The following UBE2C variants were observed in gnomAD, a reference collection of about 807,000 sequenced individuals.
UBE2C encodes the protein ubiquitin conjugating enzyme E2 C.
A neutral mutation model predicts 23.5 loss-of-function variants in UBE2C; 16 were observed. The ratio of observed to expected loss-of-function variants is 0.68; its 90% confidence interval spans 0.46 to 1.03. The LOEUF is 1.03. Ranked by LOEUF, UBE2C falls within the 50% of genes least tolerant of loss-of-function variation. UBE2C has a pLI of 0.00. For synonymous variants in UBE2C, 76 were observed against 91.6 expected (o/e 0.83, Z 0.97); for missense variants, 192 against 227.6 (o/e 0.84, Z 1.01).
At chr20:45,813,152 CGAGACAGGGGAAGG>C in intron 1 of UBE2C, 1 of 1,397,184 alleles carries the variant, frequency 7.2e-7, no homozygotes, top group Non-Finnish European at 9.3e-7. Flanking sequence ...GTGACTTGGC[CGAGACAGGGGAAGG>C]GAGAAGTTGA....
intron 5 of UBE2C, 127 bp downstream of exon 5, chr20:45,816,040 A>G: frequency 3.3e-6 from 3 of 911,988 alleles, no homozygotes; most frequent in East Asian, 2.5e-5. Context: ...GCAGCAACCC[A>G]CTTCTGTTTC....
In UBE2C at chr20:45,813,122, G is replaced by A. The variant is rs73911114; in HGVS notation, c.102-315G>A. ...GACTCCTTCCCTGGTGGGCCTAGATGAAGACGCTCAAGGACCCTCGTGACT... is the reference window on the plus strand; with the variant it reads ...GACTCCTTCCCTGGTGGGCCTAGATAAAGACGCTCAAGGACCCTCGTGACT... On this transcript the variant is annotated intron_variant, in intron 1 of 5. Transcript: ENST00000356455. The A allele has an allele frequency of 1.0e-3, 1,427 of 1,400,282 alleles. 14 individuals are homozygous for A. In the African/African-American group the frequency reaches 0.019, roughly 18 times the overall value. The allele number at this position is 1,400,282 out of a possible 1,614,324, so 86.7% of individuals were successfully genotyped here.
rs548549650 is a variant in UBE2C at position 45,814,887 on chromosome 20, G to A, written c.216+417G>A. ...CGCTCTGTCGCCCAGGCCAGACTGC[G>A]GACTGCAGTGGCGCAATCTCGGCTC... On this transcript the variant is annotated intron_variant, in intron 3 of 5. Transcript: ENST00000356455. Among the ~76,000 whole-genome samples, 433 of 149,828 alleles carry A rather than the reference G, an allele frequency of 2.9e-3. 3 individuals carry two copies. The highest frequency in any genetic ancestry group is 0.01 in the African/African-American group (416 of 40,498).
In UBE2C at chr20:45,814,407, T is replaced by G; in HGVS notation, c.153T>G (p.Ser51=). 1 of 1,610,010 alleles carries G rather than the reference T, an allele frequency of 6.2e-7. No homozygotes were observed. The highest frequency in any genetic ancestry group is 1.1e-5 in the South Asian group (1 of 90,844). The change falls in exon 3 of 6, where the codon TCT becomes TCG. Residue 51 remains serine, a synonymous_variant. Coordinates refer to ENST00000356455, the MANE Select transcript of UBE2C (RefSeq NM_007019.4). ...TLMMSGDKGI[S]AFPESDNLFK... is the part of the protein sequence containing the mutation. ...AGATGTCTGGCGATAAAGGGATTTC[T>G]GCCTTCCCTGAATCAGACAACCTTT...
Position 45,812,959 on chromosome 20 carries a change from A to T in UBE2C, c.101+163A>T, listed in dbSNP as rs1982064140. ...CTCGGGGCCTGGCATTCCCCTGGGCATGGGTGTCGAGGGCGGAGACTTCCG... is the reference window on the plus strand; with the variant it reads ...CTCGGGGCCTGGCATTCCCCTGGGCTTGGGTGTCGAGGGCGGAGACTTCCG... On this transcript the variant is annotated intron_variant, in intron 1 of 5. Coordinates refer to ENST00000356455, the MANE Select transcript of UBE2C (RefSeq NM_007019.4). 7 of 1,432,102 alleles carry T rather than the reference A, an allele frequency of 4.9e-6. No homozygotes were observed. The South Asian group carries it at 7.5e-5, about 15-fold the overall frequency. 88.7% of individuals were successfully genotyped at this position (1,432,102 alleles called of 1,614,324 possible).
chr20:45,814,106 CTCTG>C (rs773942418), intron 2 of UBE2C, among the ~76,000 whole-genome samples: 41 of 145,860 alleles, frequency 2.8e-4, no homozygotes, highest in Admixed American at 1.1e-3. Context: ...GTGTGTCTGT[CTCTG>C]TCTATCTCTC....
At chr20:45,812,948 T>C in intron 1 of UBE2C, 152 bp downstream of exon 1, 3 of 1,431,424 alleles carry the variant, frequency 2.1e-6, no homozygotes, top group Non-Finnish European at 2.7e-6. Flanking sequence ...GGGCCTGGCA[T>C]TCCCCTGGGC....
In UBE2C at chr20:45,813,418, C is replaced by G; in HGVS notation, c.102-19C>G. 5 of 1,614,122 alleles carry G rather than the reference C, an allele frequency of 3.1e-6. No individual in the cohort carries two copies. In the South Asian group the frequency reaches 3.3e-5, roughly 11 times the overall value. ...GGCCCATCCAGACTCCCAGGTAACC[C>G]CGAATACTCTTTTTTCAGGCTACAG... On this transcript the variant is annotated intron_variant, in intron 1 of 5. Coordinates refer to ENST00000356455, the MANE Select transcript of UBE2C (RefSeq NM_007019.4).
At chr20:45,814,556 C>A in intron 3 of UBE2C, 86 bp downstream of exon 3, 3 of 1,011,032 alleles carry the variant, frequency 3.0e-6, no homozygotes, top group East Asian at 2.8e-5. Flanking sequence ...AAGCCTTTGG[C>A]GGAGCAAGAC....
chr20:45,815,828 G>A (rs1014964446), intron 4 of UBE2C, 26 bp from the exon 5 acceptor site: 13 of 1,613,826 alleles, frequency 8.1e-6, no homozygotes, highest in African/African-American at 5.3e-5. Context: ...CTACCGCCTT[G>A]ACCTTCTCTT....
At position 45,813,015 on chromosome 20, in the gene UBE2C, CGA is replaced by C. The variant is rs1163264234; in HGVS notation, c.101+224_101+225del. On this transcript the variant is annotated intron_variant, in intron 1 of 5. Transcript: ENST00000356455. ...CCCACCTCCTTGCGCGGGTGAGATT[CGA>C]GAGATGGGGGACAGGCCAGGAGCTC... 4 of 1,427,138 alleles carry C rather than the reference CGA, an allele frequency of 2.8e-6. No individual in the cohort carries two copies. The East Asian group carries it at 1.0e-4, about 36-fold the overall frequency. The allele number at this position is 1,427,138 out of a possible 1,614,324, so 88.4% of individuals were successfully genotyped here.
chr20:45,815,268 C>T, intron 3 of UBE2C: 1 of 1,000,180 alleles, frequency 1.0e-6, no homozygotes, highest in African/African-American at 1.6e-5. Flanking sequence ...CCTGTAATCT[C>T]AGCACTTTGG....
rs989643262 is a variant in UBE2C at position 45,812,665 on chromosome 20, G to A, written c.-31G>A. On this transcript the variant is annotated 5_prime_UTR_variant, in exon 1 of 6. Transcript: ENST00000356455. ...TCCTGCAGTTGCAGTCGTGTTCTCC[G>A]AGTTCCTGTCTCTCTGCCAACGCCG... 1 of 1,550,052 alleles carries A rather than the reference G, an allele frequency of 6.5e-7. No individual in the cohort carries two copies. The highest frequency in any genetic ancestry group is 8.7e-7 in the Non-Finnish European group (1 of 1,146,420).
At chr20:45,815,350 C>T in intron 3 of UBE2C, 191 bp from the exon 4 acceptor site, 2 of 1,555,432 alleles carry the variant, frequency 1.3e-6, no homozygotes, top group Non-Finnish European at 1.7e-6. Flanking sequence ...GAAACCCTGT[C>T]TCTAAAATAA....
Position 45,814,146 on chromosome 20 carries a change from C to CTCTCTCTCTATA in UBE2C, c.130-237_130-236insCTCTCTCTATAT, listed in dbSNP as rs1158772080. 9.6e-4 allele frequency among the ~76,000 whole-genome samples: 128 copies of CTCTCTCTCTATA among 133,938 alleles called. No homozygotes were observed. In the East Asian group the frequency reaches 0.011, roughly 12 times the overall value. The allele number at this position is 133,938 out of a possible 152,430, so 87.9% of individuals were successfully genotyped here. A position where few individuals can be genotyped will look rare whatever the true frequency, so the allele number is the denominator to read the frequency against. ...TCTCTCAATCTCTCTCTCTCTCTCTCTATATATATATATATGTAAATATAT... is the reference window on the plus strand; with the variant it reads ...TCTCTCAATCTCTCTCTCTCTCTCTCTCTCTCTCTATATATATATATATATATGTAAATATAT... On this transcript the variant is annotated intron_variant, in intron 2 of 5. Transcript: ENST00000356455.
At chr20:45,812,970 G>A in intron 1 of UBE2C, 174 bp downstream of exon 1, 1 of 1,432,368 alleles carries the variant, frequency 7.0e-7, no homozygotes. Flanking sequence ...TGGGTGTCGA[G>A]GGCGGAGACT....
Position 45,815,701 on chromosome 20 carries a change from A to G in UBE2C, c.377A>G (p.Tyr126Cys), listed in dbSNP as rs148799246. The G allele has an allele frequency of 8.1e-6, 13 of 1,614,022 alleles. No individual in the cohort carries two copies. The highest frequency in any genetic ancestry group is 4.4e-5 in the South Asian group (4 of 91,082). ...CTGAAGGAAAAGTGGTCTGCCCTGT[A>G]TGATGTCAGGACCATTCTGCTCTCC... ...DILKEKWSAL[Y>C]DVRTILLSIQ... is the part of the protein sequence containing the mutation. The change falls in exon 4 of 6, where the codon TAT becomes TGT. Residue 126 changes from tyrosine to cysteine, a missense_variant. Physicochemically the swap from Tyr to Cys is radical, Grantham distance 194. Transcript: ENST00000356455.
chr20:45,814,360 C>A, intron 2 of UBE2C, 24 bp from the exon 3 acceptor site: 1 of 1,582,220 alleles, frequency 6.3e-7, no homozygotes, highest in Non-Finnish European at 8.6e-7. Flanking sequence ...ACTCCACATT[C>A]CAACAAATGT....
Position 45,815,836 on chromosome 20 carries a change from C to T in UBE2C, c.422-18C>T, listed in dbSNP as rs1568716398. On this transcript the variant is annotated intron_variant, in intron 4 of 5. Transcript: ENST00000356455. ...GCCTCTTCTACCGCCTTGACCTTCT[C>T]TTTCTCTCCACCCACAGAACCCAAC... 5.0e-6 allele frequency: 8 copies of T among 1,614,006 alleles called. No individual in the cohort carries two copies. Among genetic ancestry groups the T allele is most frequent in the Non-Finnish European group, 6.8e-6 (8 of 1,179,996 alleles).
Sources: gnomAD v4.1 joint callset for allele counts (sites outside exome capture counted in the v4.1 genomes callset) on GRCh38, gnomAD v4.1.1 for gene constraint, MANE v1.5 for transcripts, NCBI Gene and HGNC (gene_info 2026-07-23, HGNC 2026-07-21) for gene names.